KCNN2: variants seen among roughly 807,000 people sequenced by gnomAD.
KCNN2 encodes potassium calcium-activated channel subfamily N member 2, also known as small conductance calcium-activated potassium channel protein 2.
KCNN2 carries 24 observed loss-of-function variants against 55.5 expected under a neutral mutation model. The observed-to-expected ratio is 0.43, with a 90% confidence interval of 0.31 to 0.61. The LOEUF (loss-of-function observed/expected upper bound fraction) is 0.61. KCNN2 is among the 20% of genes least tolerant of loss of function. The pLI is 0.08. For missense variants in KCNN2, 754 were observed against 853.6 expected, an observed-to-expected ratio of 0.88 and a Z score of 1.45; for synonymous variants, 431 against 336.1, an observed-to-expected ratio of 1.28 and a Z score of -3.09.
chr5:114,343,793 G>C (rs1757059456), intron 2 of KCNN2, among the ~76,000 whole-genome samples: 1 of 152,056 alleles, frequency 6.6e-6, no homozygotes, highest in African/African-American at 2.4e-5. Context: ...GGTGGATAGA[G>C]TATTTATACC....
At chr5:114,398,160 G>A (rs1485693713) in intron 2 of KCNN2, among the ~76,000 whole-genome samples, 1 of 151,954 alleles carries the variant, frequency 6.6e-6, no homozygotes, top group Non-Finnish European at 1.5e-5. Flanking sequence ...TTATTGTTTG[G>A]GGTTTTACAT....
intron 1 of KCNN2, among the ~76,000 whole-genome samples, chr5:114,183,366 A>G (rs1424618942): frequency 6.6e-6 from 1 of 152,082 alleles, no homozygotes; most frequent in Non-Finnish European, 1.5e-5. Context: ...TGCTGCCTTC[A>G]TAAACTGTTT....
At chr5:114,483,663 T>A (rs1374291787) in intron 5 of KCNN2, among the ~76,000 whole-genome samples, 1 of 152,116 alleles carries the variant, frequency 6.6e-6, no homozygotes, top group African/African-American at 2.4e-5. Flanking sequence ...TGACAGACTT[T>A]GATTACGGTT....
intron 2 of KCNN2, among the ~76,000 whole-genome samples, chr5:114,262,838 C>A (rs10455026): frequency 1.3e-5 from 2 of 152,062 alleles, no homozygotes; most frequent in African/African-American, 4.8e-5. Context: ...AATGACTTGA[C>A]CTTCCTGGGC....
intron 2 of KCNN2, among the ~76,000 whole-genome samples, chr5:114,275,760 T>C (rs1418882419): frequency 1.3e-5 from 2 of 152,180 alleles, no homozygotes; most frequent in Non-Finnish European, 2.9e-5. Context: ...TCTATTTTGT[T>C]GATCTTTTCA....
rs529670591 is a variant in KCNN2, at chr5:114,103,243, T to C, written c.-271+46743T>C. On this transcript the variant is annotated intron_variant, in intron 1 of 10. Coordinates refer to the KCNN2 transcript ENST00000512097. Reference sequence around the variant, plus strand: ...TCATGATTTGGTTCTCTGTCTGTTATTCGTATATAGGAATGCTTGTGATTT... The same window carrying C: ...TCATGATTTGGTTCTCTGTCTGTTACTCGTATATAGGAATGCTTGTGATTT... Among the ~76,000 whole-genome samples the C allele has an allele frequency of 7.9e-5, 12 of 152,262 alleles. No individual in the cohort carries two copies. In the South Asian group the frequency reaches 2.5e-3, roughly 32 times the overall value.
intron 2 of KCNN2, among the ~76,000 whole-genome samples, chr5:114,328,372 A>G (rs1212670979): frequency 6.6e-6 from 1 of 152,110 alleles, no homozygotes; most frequent in Admixed American, 6.5e-5. Flanking sequence ...GAAACTGATA[A>G]AGCCACGAAG....
At chr5:114,117,694 G>C (rs1482569513) in intron 1 of KCNN2, among the ~76,000 whole-genome samples, 1 of 152,054 alleles carries the variant, frequency 6.6e-6, no homozygotes, top group Non-Finnish European at 1.5e-5. Context: ...GAGGAGAGGT[G>C]GGAAAGCTTT....
In KCNN2 at chr5:114,239,883, A is replaced by C. The variant is rs73260057; in HGVS notation, c.-185+18318A>C. ...ATAACAAATAACCAAAAGATATATT[A>C]GAAAGGCAATTAGAATCTAAAAATT... On this transcript the variant is annotated intron_variant, in intron 2 of 10. Coordinates refer to the KCNN2 transcript ENST00000512097. 6.6e-3 allele frequency among the ~76,000 whole-genome samples: 1,004 copies of C among 152,350 alleles called. 12 individuals are homozygous for C. The highest frequency in any genetic ancestry group is 0.022 in the African/African-American group (912 of 41,578).
chr5:114,480,348 C>T (rs981728739), intron 5 of KCNN2, among the ~76,000 whole-genome samples: 1 of 152,104 alleles, frequency 6.6e-6, no homozygotes, highest in Admixed American at 6.6e-5. Context: ...ATAATGAGTT[C>T]TGAAATTGAG....
upstream of KCNN2, among the ~76,000 whole-genome samples, chr5:114,358,005 G>GATACA (rs1032331893): frequency 2.0e-5 from 3 of 151,000 alleles, no homozygotes; most frequent in African/African-American, 7.3e-5. Flanking sequence ...ACTGGTGTGA[G>GATACA]ATGGTATCTC....
At chr5:114,146,629 G>A (rs558946771) in intron 1 of KCNN2, among the ~76,000 whole-genome samples, 1 of 152,248 alleles carries the variant, frequency 6.6e-6, no homozygotes, top group South Asian at 2.1e-4. Context: ...TTGCCAAAGA[G>A]CATTAGGAGA....
At chr5:114,128,920 G>T (rs556797914) in intron 1 of KCNN2, among the ~76,000 whole-genome samples, 63 of 152,138 alleles carry the variant, frequency 4.1e-4, no homozygotes, top group Non-Finnish European at 7.2e-4. Context: ...TAATTTTCTA[G>T]GTAAATAAAA....
At chr5:114,486,870 C>A in intron 5 of KCNN2, 180 bp from the exon 6 acceptor site, 1 of 1,140,544 alleles carries the variant, frequency 8.8e-7, no homozygotes, top group Non-Finnish European at 1.2e-6. Context: ...GTGTTGTTCC[C>A]AGGCAGGTAC....
At chr5:114,151,862 A>G (rs575283823) in intron 1 of KCNN2, among the ~76,000 whole-genome samples, 11 of 152,288 alleles carry the variant, frequency 7.2e-5, no homozygotes, top group African/African-American at 2.2e-4. Flanking sequence ...ACATTTTTCA[A>G]TGAAATAGGA....
intron 1 of KCNN2, among the ~76,000 whole-genome samples, chr5:114,126,402 A>G (rs1352121192): frequency 6.6e-6 from 1 of 152,088 alleles, no homozygotes. Context: ...GGCCTTCTTC[A>G]TATGGCAGCA....
intron 3 of KCNN2, among the ~76,000 whole-genome samples, chr5:114,437,870 G>A (rs1168121186): frequency 1.3e-5 from 2 of 151,918 alleles, no homozygotes; most frequent in Non-Finnish European, 2.9e-5. Flanking sequence ...TTTGTTTTTG[G>A]CTTTTCTAAA....
intron 1 of KCNN2, among the ~76,000 whole-genome samples, chr5:114,175,181 A>T (rs968930854): frequency 1.3e-5 from 2 of 152,190 alleles, no homozygotes; most frequent in African/African-American, 2.4e-5. Flanking sequence ...AACAATTGCT[A>T]TCTCTTTAGG....
chr5:114,212,619 TA>T (rs5870583), intron 1 of KCNN2, among the ~76,000 whole-genome samples: 1 of 150,752 alleles, frequency 6.6e-6, no homozygotes, highest in African/African-American at 2.4e-5. Context: ...AAGTCTAAAG[TA>T]AAAAAAAATG....
Sources: gnomAD v4.1 joint callset for allele counts (sites outside exome capture counted in the v4.1 genomes callset) on GRCh38, gnomAD v4.1.1 for gene constraint, MANE v1.5 for transcripts, NCBI Gene and HGNC (gene_info 2026-07-23, HGNC 2026-07-21) for gene names.